The following MICOS10 variants were observed in gnomAD, a reference collection of about 807,000 sequenced individuals.
MICOS10 encodes MICOS complex subunit MIC10.
MICOS10 carries 5 observed loss-of-function variants against 13.4 expected under a neutral mutation model. The ratio of observed to expected loss-of-function variants is 0.37; its 90% confidence interval spans 0.20 to 0.78. The LOEUF is 0.78. Among genes scored for constraint, MICOS10 ranks in the 30% least tolerant of loss-of-function variants. The pLI is 0.47. For missense variants in MICOS10, 101 were observed against 94.6 expected, an observed-to-expected ratio of 1.07 and a Z score of -0.28; for synonymous variants, 35 against 33.6, an observed-to-expected ratio of 1.04 and a Z score of -0.15.
intron 1 of MICOS10, among the ~76,000 whole-genome samples, chr1:19,618,813 T>G (rs938648748): frequency 6.6e-6 from 1 of 152,258 alleles, no homozygotes; most frequent in Non-Finnish European, 1.5e-5. Flanking sequence ...TAAAGACTGG[T>G]AATTCCTGTA....
At chr1:19,615,371 C>A (rs1032645036) in intron 1 of MICOS10, among the ~76,000 whole-genome samples, 9 of 150,524 alleles carry the variant, frequency 6.0e-5, no homozygotes, top group Admixed American at 4.0e-4. Context: ...GTTTCATCCT[C>A]ACTATTCCCC....
chr1:19,599,589 A>G (rs931899624), intron 1 of MICOS10, among the ~76,000 whole-genome samples: 5 of 152,150 alleles, frequency 3.3e-5, no homozygotes, highest in Admixed American at 3.3e-4. Context: ...GAGGTCATTC[A>G]ATAAGAGTGT....
At chr1:19,613,105 G>C (rs547112861) in intron 1 of MICOS10, among the ~76,000 whole-genome samples, 1 of 152,288 alleles carries the variant, frequency 6.6e-6, no homozygotes, top group Non-Finnish European at 1.5e-5. Flanking sequence ...CAGGAAAGGT[G>C]GAGGGAGGGC....
chr1:19,600,424 G>T (rs1295702194), intron 1 of MICOS10, among the ~76,000 whole-genome samples: 2 of 152,172 alleles, frequency 1.3e-5, no homozygotes, highest in Non-Finnish European at 2.9e-5. Context: ...TCTCTGGGTA[G>T]TGAGGTTCTG....
intron 1 of MICOS10, 130 bp from the exon 2 acceptor site, chr1:19,621,970 T>C: frequency 1.4e-6 from 1 of 708,280 alleles, no homozygotes; most frequent in East Asian, 2.8e-5. Context: ...GGTTAGAAAT[T>C]AGAAAATTAA....
intron 1 of MICOS10, chr1:19,617,309 C>G (rs1222360032): frequency 6.1e-6 from 6 of 984,886 alleles, no homozygotes; most frequent in Non-Finnish European, 6.0e-6. Flanking sequence ...GTTCCAGCCT[C>G]TGTCTAGTCC....
rs910657293 is a variant in MICOS10 at position 19,624,449 on chromosome 1, G to A, written c.222+866G>A. The stretch of plus-strand genomic sequence containing the variant: ...TTACAGGCACGAGCCACTCACGCCC[G>A]GCTAATTTTCGTATTTTTAGTAGAG... On this transcript the variant is annotated intron_variant, in intron 3 of 3. Transcript: ENST00000322753. Among the ~76,000 whole-genome samples the A allele has an allele frequency of 6.6e-5, 10 of 151,880 alleles. No homozygotes were observed. The South Asian group carries it at 8.3e-4, about 13-fold the overall frequency.
chr1:19,608,424 G>A, intron 1 of MICOS10: 1 of 1,278,104 alleles, frequency 7.8e-7, no homozygotes. Flanking sequence ...GGAGGAAATA[G>A]GACCAAGACC....
At chr1:19,598,988 G>C (rs76193741) in intron 1 of MICOS10, among the ~76,000 whole-genome samples, 1 of 151,912 alleles carries the variant, frequency 6.6e-6, no homozygotes, top group South Asian at 2.1e-4. Flanking sequence ...GGGCTCAAGC[G>C]ATCCTCCTGC....
intron 1 of MICOS10, among the ~76,000 whole-genome samples, chr1:19,613,824 G>A (rs746448227): frequency 1.1e-4 from 16 of 152,160 alleles, no homozygotes; most frequent in Non-Finnish European, 2.2e-4. Flanking sequence ...AGTATAGTGT[G>A]GGGATGAAGC....
At chr1:19,599,531 G>A (rs562321877) in intron 1 of MICOS10, among the ~76,000 whole-genome samples, 2 of 152,152 alleles carry the variant, frequency 1.3e-5, no homozygotes, top group Admixed American at 1.3e-4. Flanking sequence ...GAGTGATTCA[G>A]ACTCTTTTGC....
intron 1 of MICOS10, among the ~76,000 whole-genome samples, chr1:19,607,225 C>A (rs1052385970): frequency 1.3e-5 from 2 of 152,104 alleles, no homozygotes; most frequent in Non-Finnish European, 1.5e-5. Flanking sequence ...TTTCCATTTG[C>A]GGCAGCAATG....
chr1:19,608,147 G>T (rs773328113), intron 1 of MICOS10: 1 of 1,204,396 alleles, frequency 8.3e-7, no homozygotes, highest in Admixed American at 1.7e-5. Flanking sequence ...AAAGAAGGAA[G>T]AACAGGTCAT....
chr1:19,608,671 C>A, intron 1 of MICOS10: 2 of 595,498 alleles, frequency 3.4e-6, no homozygotes, highest in Non-Finnish European at 6.0e-6. Context: ...ACCTTGGAGT[C>A]AGAAAAGATT....
In MICOS10 at chr1:19,623,560, C is replaced by A; in HGVS notation, c.199C>A (p.Leu67Ile). Residue 67 changes from leucine to isoleucine, a missense_variant, in exon 3 of 4, where the codon CTT (leucine) becomes ATT (isoleucine). Leu to Ile is a conservative substitution (Grantham distance 5). Transcript: ENST00000322753. ...TCAGCATGATTTCCAGGCTCCATAT[C>A]TTCTACATGGAAAATATGTCAAAGT... ...NCQHDFQAPY[L>I]LHGKYVKEQE... The A allele has an allele frequency of 1.9e-6, 3 of 1,608,902 alleles. No individual in the cohort carries two copies. Among genetic ancestry groups the A allele is most frequent in the Non-Finnish European group, 2.6e-6 (3 of 1,175,374 alleles).
At chr1:19,623,732 G>T (rs2094912246) in intron 3 of MICOS10, 149 bp downstream of exon 3, 2 of 602,358 alleles carry the variant, frequency 3.3e-6, no homozygotes, top group South Asian at 4.2e-5. Context: ...GGCCTTCAGT[G>T]ATGTCATCAC....
intron 1 of MICOS10, among the ~76,000 whole-genome samples, chr1:19,618,502 A>G (rs1326315699): frequency 6.6e-6 from 1 of 152,098 alleles, no homozygotes; most frequent in Non-Finnish European, 1.5e-5. Context: ...CACTTAGTGT[A>G]TTCCATGTCA....
In MICOS10 at chr1:19,622,209, A is replaced by G. The variant is rs377700523; in HGVS notation, c.112+62A>G. Reference sequence around the variant, plus strand: ...GTGTATACATATACGTAGCAGGGACACTTCCAGAGGACACATTGGAACCCA... The same window carrying G: ...GTGTATACATATACGTAGCAGGGACGCTTCCAGAGGACACATTGGAACCCA... On this transcript the variant is annotated intron_variant, in intron 2 of 3. Coordinates refer to ENST00000322753, the MANE Select transcript of MICOS10 (RefSeq NM_001032363.4). 1,104 of 1,384,306 alleles carry G rather than the reference A, an allele frequency of 8.0e-4. 2 individuals carry two copies. Among genetic ancestry groups the G allele is most frequent in the Non-Finnish European group, 9.6e-4 (941 of 984,884 alleles). The allele number at this position is 1,384,306 out of a possible 1,614,324, so 85.8% of individuals were successfully genotyped here.
intron 1 of MICOS10, 73 bp from the exon 2 acceptor site, chr1:19,622,027 T>A (rs2094905460): frequency 2.6e-6 from 3 of 1,132,412 alleles, no homozygotes; most frequent in Non-Finnish European, 3.9e-6. Context: ...ATGTTCACAT[T>A]TAAGAAATGT....
Sources: allele counts gnomAD v4.1 joint callset (sites outside exome capture counted in the v4.1 genomes callset), GRCh38; gene constraint gnomAD v4.1.1; transcripts MANE v1.5; gene names NCBI Gene and HGNC (gene_info 2026-07-23, HGNC 2026-07-21).